The following ZRANB3 variants were observed in gnomAD, a reference collection of about 807,000 sequenced individuals.
ZRANB3 encodes the protein DNA annealing helicase and endonuclease ZRANB3.
Under a neutral mutation model 133.8 loss-of-function variants are expected in ZRANB3, and 125 were observed. The ratio of observed to expected loss-of-function variants is 0.93; its 90% confidence interval spans 0.81 to 1.08. The LOEUF (loss-of-function observed/expected upper bound fraction) is 1.08. ZRANB3 is among the 50% of genes least tolerant of loss of function. The pLI, the probability that ZRANB3 is intolerant of heterozygous loss-of-function variation, is 0.00. For missense variants in ZRANB3, 1,229 were observed against 1,275.5 expected, an observed-to-expected ratio of 0.96 and a Z score of 0.56; for synonymous variants, 387 against 432.7, an observed-to-expected ratio of 0.89 and a Z score of 1.31.
At chr2:135,289,816 T>C (rs543774723) in intron 8 of ZRANB3, among the ~76,000 whole-genome samples, 1 of 152,210 alleles carries the variant, frequency 6.6e-6, no homozygotes, top group South Asian at 2.1e-4. Flanking sequence ...GGCAGGAGAA[T>C]TGCTTGAACC....
At chr2:135,331,126 C>T (rs1684118822) in intron 6 of ZRANB3, among the ~76,000 whole-genome samples, 1 of 152,108 alleles carries the variant, frequency 6.6e-6, no homozygotes, top group Non-Finnish European at 1.5e-5. Flanking sequence ...TTTGCTCTTG[C>T]TTCTCTAGTT....
At chr2:135,306,365 G>A (rs1354506295) in intron 8 of ZRANB3, among the ~76,000 whole-genome samples, 3 of 146,986 alleles carry the variant, frequency 2.0e-5, no homozygotes, top group Non-Finnish European at 4.4e-5. Flanking sequence ...TTGGCTCACT[G>A]CAAGCTCCGC....
chr2:135,301,192 T>A lies in ZRANB3; in HGVS notation c.966+12297A>T, dbSNP rs1028474534. Among the ~76,000 whole-genome samples the A allele has an allele frequency of 5.3e-5, 8 of 151,778 alleles. No homozygotes were observed. The East Asian group carries it at 9.7e-4, about 18-fold the overall frequency. ...TGCCCAATTAATATGTTTATTTTTT[T>A]TTTTTTTTTTGAGACAGAGTTTCAC... is the stretch of plus-strand genomic sequence containing the variant. On this transcript the variant is annotated intron_variant, in intron 8 of 20. Coordinates refer to ENST00000264159, the MANE Select transcript of ZRANB3 (RefSeq NM_032143.4).
At chr2:135,526,908 C>T (rs1435981415) in intron 1 of ZRANB3, among the ~76,000 whole-genome samples, 1 of 152,210 alleles carries the variant, frequency 6.6e-6, no homozygotes, top group Non-Finnish European at 1.5e-5. Flanking sequence ...TTCTGTCAAT[C>T]CCAGGTCTTC....
intron 1 of ZRANB3, chr2:135,510,414 A>G (rs537713031): frequency 6.5e-5 from 23 of 351,216 alleles, no homozygotes; most frequent in African/African-American, 4.9e-4. Flanking sequence ...ACACAAAAGA[A>G]GTAAAATTAT....
chr2:135,278,717 A>C (rs1331756249), intron 8 of ZRANB3, among the ~76,000 whole-genome samples: 1 of 152,196 alleles, frequency 6.6e-6, no homozygotes, highest in Non-Finnish European at 1.5e-5. Context: ...AAGAAAAGAA[A>C]AACCTTTATA....
At chr2:135,479,689 T>C (rs946819974) in intron 2 of ZRANB3, among the ~76,000 whole-genome samples, 1 of 151,776 alleles carries the variant, frequency 6.6e-6, no homozygotes, top group Admixed American at 6.6e-5. Context: ...AGGACACCTA[T>C]TGATACACGC....
intron 8 of ZRANB3, among the ~76,000 whole-genome samples, chr2:135,279,184 T>C (rs543940788): frequency 1.4e-4 from 21 of 152,172 alleles, no homozygotes; most frequent in Non-Finnish European, 2.5e-4. Flanking sequence ...TATGATACTA[T>C]GTAGCTTTGG....
chr2:135,295,032 T>G (rs561235496), intron 8 of ZRANB3, among the ~76,000 whole-genome samples: 5 of 152,308 alleles, frequency 3.3e-5, no homozygotes, highest in African/African-American at 7.2e-5. Context: ...TGGTTAATTT[T>G]GGGATAGGTG....
intron 12 of ZRANB3, among the ~76,000 whole-genome samples, chr2:135,245,782 C>T (rs1295955122): frequency 3.5e-5 from 5 of 144,426 alleles, no homozygotes; most frequent in Admixed American, 7.0e-5. Flanking sequence ...CAAAAATAGC[C>T]GGGCATGGTG....
intron 3 of ZRANB3, among the ~76,000 whole-genome samples, chr2:135,366,854 T>C (rs1685961708): frequency 1.3e-5 from 2 of 151,490 alleles, no homozygotes; most frequent in South Asian, 4.2e-4. Context: ...TCGTCTCTAC[T>C]AAAAATAAAA....
intron 2 of ZRANB3, among the ~76,000 whole-genome samples, chr2:135,451,573 A>G (rs532373413): frequency 2.0e-4 from 30 of 150,240 alleles, no homozygotes; most frequent in Non-Finnish European, 3.8e-4. Context: ...AAAAAACAAA[A>G]AAACAAAAAA....
At chr2:135,402,742 C>T (rs62172200) in intron 2 of ZRANB3, among the ~76,000 whole-genome samples, 6,055 of 152,066 alleles carry the variant, frequency 0.04, 138 homozygotes, top group African/African-American at 0.048. Flanking sequence ...CGGGCCACCA[C>T]GTCCAGCTAA....
intron 15 of ZRANB3, among the ~76,000 whole-genome samples, chr2:135,223,328 AC>A (rs1694628446): frequency 6.6e-6 from 1 of 151,736 alleles, no homozygotes; most frequent in Non-Finnish European, 1.5e-5. Flanking sequence ...AATGAAAAAA[AC>A]ATTTTTTTTT....
chr2:135,365,513 C>T (rs906454045), intron 3 of ZRANB3, among the ~76,000 whole-genome samples: 1 of 151,994 alleles, frequency 6.6e-6, no homozygotes. Flanking sequence ...AATTTCTATA[C>T]GTAATGAACA....
At chr2:135,494,891 T>C (rs1239246966) in intron 2 of ZRANB3, among the ~76,000 whole-genome samples, 3 of 152,206 alleles carry the variant, frequency 2.0e-5, no homozygotes, top group Non-Finnish European at 4.4e-5. Flanking sequence ...AAACATGCTA[T>C]AAAAGACAGC....
intron 8 of ZRANB3, among the ~76,000 whole-genome samples, chr2:135,276,953 C>G (rs1402644472): frequency 6.6e-6 from 1 of 152,196 alleles, no homozygotes; most frequent in Non-Finnish European, 1.5e-5. Context: ...TTTACCTTCT[C>G]TCTACCTATT....
chr2:135,260,462 G>A (rs1003189407), intron 12 of ZRANB3, among the ~76,000 whole-genome samples: 1 of 151,760 alleles, frequency 6.6e-6, no homozygotes, highest in African/African-American at 2.4e-5. Flanking sequence ...AATAAATACT[G>A]TAATTTCTTA....
intron 8 of ZRANB3, among the ~76,000 whole-genome samples, chr2:135,308,550 T>G (rs1682809129): frequency 6.6e-6 from 1 of 152,228 alleles, no homozygotes; most frequent in Non-Finnish European, 1.5e-5. Flanking sequence ...ACTTTTATTG[T>G]GATCTTTTTT....
Sources: gnomAD v4.1 joint callset for allele counts (sites outside exome capture counted in the v4.1 genomes callset) on GRCh38, gnomAD v4.1.1 for gene constraint, MANE v1.5 for transcripts, NCBI Gene and HGNC (gene_info 2026-07-23, HGNC 2026-07-21) for gene names.